The following NTRK2 variants were observed in gnomAD, a reference collection of about 807,000 sequenced individuals.
NTRK2 encodes BDNF/NT-3 growth factors receptor.
NTRK2 carries 13 observed loss-of-function variants against 94.5 expected under a neutral mutation model. The ratio of observed to expected loss-of-function variants is 0.14; its 90% CI spans 0.09 to 0.22. The LOEUF (loss-of-function observed/expected upper bound fraction) is 0.22. Among genes scored for constraint, NTRK2 ranks in the 10% least tolerant of loss-of-function variants. NTRK2 has a pLI of 1.00. For missense variants in NTRK2, 639 were observed against 1,071.2 expected (o/e 0.60, Z 5.63); for synonymous variants, 372 against 407.4 (o/e 0.91, Z 1.05).
rs1564492254 is a variant in NTRK2, at chr9:84,948,459, C to A, written c.1765-3C>A. The A allele has an allele frequency of 6.2e-7, 1 of 1,614,102 alleles. No individual in the cohort carries two copies. Among genetic ancestry groups the A allele is most frequent in the Non-Finnish European group, 8.5e-7 (1 of 1,179,978 alleles). On this transcript the variant is annotated splice_region_variant and splice_polypyrimidine_tract_variant and intron_variant, in intron 15 of 18. Transcript: ENST00000277120. ...ATCCTTCTCTTTTAACACCCATCCC[C>A]AGACCCTGAAGGATGCCAGTGACAA...
intron 14 of NTRK2, among the ~76,000 whole-genome samples, chr9:84,886,846 A>G (rs959823266): frequency 6.6e-6 from 1 of 152,242 alleles, no homozygotes; most frequent in African/African-American, 2.4e-5. Context: ...AGAGCAAGCC[A>G]GGAAGCAGAT....
intron 17 of NTRK2, among the ~76,000 whole-genome samples, chr9:85,012,437 G>T (rs1329826415): frequency 1.3e-5 from 2 of 152,032 alleles, no homozygotes; most frequent in African/African-American, 4.8e-5. Context: ...TCACCTTTAG[G>T]CTTCCTGTGT....
At chr9:84,669,017 G>C (rs1272589459), upstream of NTRK2, among the ~76,000 whole-genome samples, 1 of 152,012 alleles carries the variant, frequency 6.6e-6, no homozygotes. This position sits in a 1 kb window ranked among gnomAD's most constrained non-coding sequence, Gnocchi z 4.1. Flanking sequence ...GGCAGAAAAC[G>C]GCAGGAAAAA....
chr9:84,749,216 G>A (rs906636112), intron 11 of NTRK2, among the ~76,000 whole-genome samples: 3 of 151,238 alleles, frequency 2.0e-5, no homozygotes, highest in African/African-American at 4.9e-5. Context: ...CAACAGGAGC[G>A]AAACTCCGTC....
At chr9:84,763,691 A>G (rs1335058229) in intron 12 of NTRK2, among the ~76,000 whole-genome samples, 1 of 152,168 alleles carries the variant, frequency 6.6e-6, no homozygotes, top group Non-Finnish European at 1.5e-5. Flanking sequence ...TACCATTACC[A>G]TTGTGCTCAA....
chr9:84,733,396 C>T (rs1056602978), intron 9 of NTRK2, among the ~76,000 whole-genome samples: 16 of 152,200 alleles, frequency 1.1e-4, no homozygotes, highest in Non-Finnish European at 2.2e-4. Flanking sequence ...TCTCACTTAA[C>T]ATCCTATTAT....
At chr9:84,850,768 G>A (rs963466776) in intron 12 of NTRK2, among the ~76,000 whole-genome samples, 22 of 152,158 alleles carry the variant, frequency 1.4e-4, no homozygotes, top group African/African-American at 5.1e-4. Flanking sequence ...CTGTTCTGAG[G>A]CAGAAACGCC....
rs189924897 is a variant in NTRK2, at chr9:84,679,215, T to C, written c.212+8255T>C. Among the ~76,000 whole-genome samples, 17 of 152,340 alleles carry C rather than the reference T, an allele frequency of 1.1e-4. No homozygotes were observed. The Middle Eastern group carries it at 0.01, about 91-fold the overall frequency. On this transcript the variant is annotated intron_variant, in intron 2 of 18. Transcript: ENST00000277120. The stretch of plus-strand genomic sequence containing the variant: ...AGATATTTTATTTTAGCAGCCCACA[T>C]GGACTAAGGTACATGGGTTTGGCCT...
At chr9:84,694,733 G>A (rs1322315169) in intron 2 of NTRK2, among the ~76,000 whole-genome samples, 1 of 152,096 alleles carries the variant, frequency 6.6e-6, no homozygotes, top group Non-Finnish European at 1.5e-5. Flanking sequence ...TGCCGTGGCT[G>A]TAAGCCTGGG....
At chr9:84,853,632 T>C (rs1445740923) in intron 12 of NTRK2, among the ~76,000 whole-genome samples, 1 of 152,172 alleles carries the variant, frequency 6.6e-6, no homozygotes, top group Non-Finnish European at 1.5e-5. Context: ...GTTTATTGAG[T>C]GTTTATGCAA....
chr9:84,875,555 T>C, intron 14 of NTRK2: 1 of 1,063,252 alleles, frequency 9.4e-7, no homozygotes. Context: ...GCTAGCTCCT[T>C]TCAAAGAGCC....
chr9:84,693,044 G>A (rs957575734), intron 2 of NTRK2, among the ~76,000 whole-genome samples: 1 of 152,188 alleles, frequency 6.6e-6, no homozygotes, highest in East Asian at 1.9e-4. Flanking sequence ...GGAGATGCTG[G>A]TTCAGTTTCA....
At chr9:84,980,139 T>TTG (rs375149104) in intron 17 of NTRK2, among the ~76,000 whole-genome samples, 1 of 152,060 alleles carries the variant, frequency 6.6e-6, no homozygotes, top group Non-Finnish European at 1.5e-5. Context: ...TGTGTTCATT[T>TTG]TGTGTGTGTG....
intron 16 of NTRK2, among the ~76,000 whole-genome samples, chr9:84,949,932 A>C (rs969816037): frequency 1.3e-5 from 2 of 152,226 alleles, no homozygotes; most frequent in Non-Finnish European, 1.5e-5. Context: ...AAGCTAACTC[A>C]CACAATATAA....
At chr9:84,999,978 C>T (rs914130549) in intron 17 of NTRK2, among the ~76,000 whole-genome samples, 1 of 152,168 alleles carries the variant, frequency 6.6e-6, no homozygotes, top group East Asian at 1.9e-4. Context: ...TGGCTACCTC[C>T]CTTCCTGAAT....
chr9:84,758,138 A>ATG (rs934367178), intron 12 of NTRK2, among the ~76,000 whole-genome samples: 22 of 151,778 alleles, frequency 1.4e-4, no homozygotes, highest in African/African-American at 5.1e-4. Flanking sequence ...ATATATATAT[A>ATG]TTTATTTATT....
At chr9:84,857,115 T>G (rs1226279426) in intron 12 of NTRK2, among the ~76,000 whole-genome samples, 1 of 152,112 alleles carries the variant, frequency 6.6e-6, no homozygotes, top group Non-Finnish European at 1.5e-5. Flanking sequence ...GTTTTTTTTT[T>G]GCCATTTATT....
At position 84,723,650 on chromosome 9, in the gene NTRK2, G is replaced by A. The variant is rs2132023325; in HGVS notation, c.661G>A (p.Ala221Thr). The A allele has an allele frequency of 6.2e-7, 1 of 1,614,106 alleles. No homozygotes were observed. Among genetic ancestry groups the A allele is most frequent in the Non-Finnish European group, 8.5e-7 (1 of 1,179,962 alleles). Residue 221 changes from alanine (A) to threonine (T), a missense_variant, in exon 7 of 19, where the codon GCA (alanine) becomes ACA (threonine). This residue lies in a region of NTRK2 where 12 missense variants were observed against 27.8 expected (regional missense o/e 0.43). Transcript: ENST00000277120. ...GTCTATCACATTATCCTGTAGTGTG[G>A]CAGGTGATCCGGTTCCTAATATGTA... is the stretch of plus-strand genomic sequence containing the variant. Reference protein sequence around the residue: ...GKSITLSCSVAGDPVPNMYWD... With the variant: ...GKSITLSCSVTGDPVPNMYWD...
At chr9:84,860,967 A>G (rs953819984) in intron 12 of NTRK2, 73 bp from the exon 13 acceptor site, 15 of 1,029,688 alleles carry the variant, frequency 1.5e-5, no homozygotes, top group Non-Finnish European at 2.3e-5. Flanking sequence ...TTATTTGACC[A>G]AGGACAGTGT....
Sources: allele counts gnomAD v4.1 joint callset (sites outside exome capture counted in the v4.1 genomes callset), GRCh38; gene constraint gnomAD v4.1.1; regional missense constraint gnomAD v4.1.1; non-coding constraint Gnocchi (gnomAD v3.1); transcripts MANE v1.5; gene names NCBI Gene and HGNC (gene_info 2026-07-23, HGNC 2026-07-21).